Variants in WDPCP observed in about 807,000 individuals in gnomAD.
WDPCP encodes the protein WD repeat containing planar cell polarity effector.
In WDPCP, 71 loss-of-function variants were observed where a neutral mutation model predicts 93.1. That is an observed-to-expected ratio of 0.76 (90% CI 0.63 to 0.93). The LOEUF (loss-of-function observed/expected upper bound fraction) is 0.93, where lower values mean the gene tolerates loss of function less well. Among genes scored for constraint, WDPCP ranks in the 40% least tolerant of loss-of-function variants. The pLI, the probability that WDPCP is intolerant of heterozygous loss-of-function variation, is 0.00. For missense variants in WDPCP, 844 were observed against 887.4 expected (o/e 0.95, Z 0.62); for synonymous variants, 315 against 315.0 (o/e 1.00, Z 0.00).
chr2:63,687,600 T>A (rs1668827186), intron 2 of WDPCP, among the ~76,000 whole-genome samples: 1 of 152,178 alleles, frequency 6.6e-6, no homozygotes, highest in Non-Finnish European at 1.5e-5. Context: ...ATATCATTCA[T>A]CATCAGCAAA....
At chr2:63,405,921 T>C (rs1694542596) in intron 9 of WDPCP, among the ~76,000 whole-genome samples, 1 of 152,168 alleles carries the variant, frequency 6.6e-6, no homozygotes. Flanking sequence ...GAAATCCATC[T>C]AAGGTCTGCA....
intron 1 of WDPCP, among the ~76,000 whole-genome samples, chr2:63,554,932 G>A (rs1029952023): frequency 3.3e-5 from 5 of 152,144 alleles, no homozygotes; most frequent in Non-Finnish European, 5.9e-5. Flanking sequence ...GAGAAATTGT[G>A]CTACCCTGCC....
chr2:63,808,323 C>G (rs185389172), intron 2 of WDPCP, among the ~76,000 whole-genome samples: 1,813 of 147,254 alleles, frequency 0.012, 26 homozygotes, highest in Non-Finnish European at 0.015. Flanking sequence ...CTCCCTCTCC[C>G]CTCTCCCCTC....
At chr2:63,255,123 A>G (rs574118887) in intron 14 of WDPCP, among the ~76,000 whole-genome samples, 92 of 152,266 alleles carry the variant, frequency 6.0e-4, no homozygotes, top group African/African-American at 2.2e-3. Flanking sequence ...TACTGAAGGG[A>G]ACTTTATTAA....
chr2:63,835,261 G>T, the WDPCP span, among the ~76,000 whole-genome samples: 1 of 151,616 alleles, frequency 6.6e-6, no homozygotes, highest in African/African-American at 2.4e-5. Context: ...GAGGTGGCAG[G>T]CCCCTGTAAT....
intron 14 of WDPCP, among the ~76,000 whole-genome samples, chr2:63,219,360 C>G (rs891150383): frequency 6.6e-6 from 1 of 152,202 alleles, no homozygotes; most frequent in Non-Finnish European, 1.5e-5. Context: ...AGTCATGCCT[C>G]TCAAATGCTT....
intron 14 of WDPCP, among the ~76,000 whole-genome samples, chr2:63,235,209 C>G (rs762580399): frequency 6.6e-6 from 1 of 152,018 alleles, no homozygotes; most frequent in South Asian, 2.1e-4. Context: ...GAAACTGATA[C>G]AAACACCTCA....
chr2:63,362,247 C>T (rs917355900), intron 12 of WDPCP, among the ~76,000 whole-genome samples: 7 of 54,344 alleles, frequency 1.3e-4, no homozygotes, highest in African/African-American at 2.4e-4. Context: ...CTGGTAAAAT[C>T]GGTAGAATCC....
intron 15 of WDPCP, among the ~76,000 whole-genome samples, chr2:63,156,979 TC>T (rs1479117917): frequency 3.3e-5 from 5 of 151,882 alleles, no homozygotes; most frequent in African/African-American, 1.2e-4. Context: ...TGTAGTATTC[TC>T]TTTTTCCTTC....
chr2:63,373,834 G>C (rs13393398), intron 12 of WDPCP, among the ~76,000 whole-genome samples: 1 of 151,634 alleles, frequency 6.6e-6, no homozygotes, highest in African/African-American at 2.4e-5. Context: ...GATTACCCTA[G>C]AAATTCTGTA....
Position 63,529,582 on chromosome 2 carries a change from A to G in WDPCP, c.76-36642T>C, listed in dbSNP as rs1169455289. 3.9e-5 allele frequency among the ~76,000 whole-genome samples: 6 copies of G among 152,216 alleles called. No individual in the cohort carries two copies. The East Asian group carries it at 1.2e-3, about 29-fold the overall frequency. On this transcript the variant is annotated intron_variant, in intron 1 of 17. Coordinates refer to ENST00000272321, the MANE Select transcript of WDPCP (RefSeq NM_015910.7). ...GATGAAACCGACTTCATCATGGTGGACAAGCTTTTTGATGTGCTGCTGGAT... is the reference window on the plus strand; with the variant it reads ...GATGAAACCGACTTCATCATGGTGGGCAAGCTTTTTGATGTGCTGCTGGAT...
chr2:63,438,834 T>C (rs1697316898), intron 7 of WDPCP, among the ~76,000 whole-genome samples: 1 of 152,102 alleles, frequency 6.6e-6, no homozygotes, highest in Admixed American at 6.6e-5. Context: ...ATACTTCCTT[T>C]GATTACTAAA....
rs562394638 is a variant in WDPCP at position 63,144,454 on chromosome 2, C to T, written c.2190+8460G>A. On this transcript the variant is annotated intron_variant, in intron 17 of 17. Coordinates refer to ENST00000272321, the MANE Select transcript of WDPCP (RefSeq NM_015910.7). Reference sequence around the variant, plus strand: ...TATTTTTAGTAGAGATGGGGTTTCGCCATGTTGGCCAGACTGGTCTCAAAA... The same window carrying T: ...TATTTTTAGTAGAGATGGGGTTTCGTCATGTTGGCCAGACTGGTCTCAAAA... Among the ~76,000 whole-genome samples, 84 of 152,072 alleles carry T rather than the reference C, an allele frequency of 5.5e-4. 1 individual carries two copies. Among genetic ancestry groups the T allele is most frequent in the Middle Eastern group, 3.4e-3 (1 of 294 alleles).
At position 63,704,889 on chromosome 2, in the gene WDPCP, G is replaced by C. The variant is rs1479835209; in HGVS notation, n.309-54051C>G. Among the ~76,000 whole-genome samples, 17 of 152,256 alleles carry C rather than the reference G, an allele frequency of 1.1e-4. No homozygotes were observed. In the East Asian group the frequency reaches 3.1e-3, roughly 28 times the overall value. On this transcript the variant is annotated intron_variant and non_coding_transcript_variant, in intron 2 of 4. Transcript: ENST00000467687. ...GAAGGAATGGTACCAGCTCCTCCTT[G>C]TACCTCTGGTAGAATTCGGCTGTGA...
At chr2:63,325,461 T>A (rs1427000011) in intron 12 of WDPCP, among the ~76,000 whole-genome samples, 1 of 152,152 alleles carries the variant, frequency 6.6e-6, no homozygotes, top group East Asian at 1.9e-4. Context: ...GTCATCACCC[T>A]CACTGAGCCC....
chr2:63,207,325 C>T (rs1342676027), intron 14 of WDPCP, among the ~76,000 whole-genome samples: 1 of 152,106 alleles, frequency 6.6e-6, no homozygotes, highest in Non-Finnish European at 1.5e-5. Context: ...TAGCACCTCC[C>T]CCTTCACTCT....
chr2:63,616,861 T>A (rs1709678467), intron 3 of WDPCP, among the ~76,000 whole-genome samples: 1 of 152,258 alleles, frequency 6.6e-6, no homozygotes, highest in South Asian at 2.1e-4. Flanking sequence ...TCCAACAAAA[T>A]GCTTTTTTTT....
the WDPCP span, among the ~76,000 whole-genome samples, chr2:63,836,187 G>A: frequency 6.6e-6 from 1 of 152,198 alleles, no homozygotes; most frequent in Non-Finnish European, 1.5e-5. Context: ...CGTTAGGTTG[G>A]TGGGTGTGAA....
intron 3 of WDPCP, among the ~76,000 whole-genome samples, chr2:63,617,097 T>G (rs190220314): frequency 1.3e-5 from 2 of 152,244 alleles, no homozygotes; most frequent in Admixed American, 1.3e-4. Context: ...CAGGAAAAAT[T>G]TGTAATAACT....
Sources: gnomAD v4.1 joint callset for allele counts (sites outside exome capture counted in the v4.1 genomes callset) on GRCh38, gnomAD v4.1.1 for gene constraint, MANE v1.5 for transcripts, NCBI Gene and HGNC (gene_info 2026-07-23, HGNC 2026-07-21) for gene names.